The following CALD1 variants were observed in gnomAD, a reference collection of about 807,000 sequenced individuals.
CALD1 encodes caldesmon 1.
A neutral mutation model predicts 99.9 loss-of-function variants in CALD1; 33 were observed. The observed-to-expected ratio is 0.33, with a 90% CI of 0.25 to 0.44. The LOEUF is 0.44. CALD1 is among the 20% of genes least tolerant of loss of function. CALD1 has a pLI of 1.00. For synonymous variants in CALD1, 310 were observed against 325.0 expected (o/e 0.95, Z 0.50); for missense variants, 861 against 962.1 (o/e 0.89, Z 1.39).
the CALD1 span, among the ~76,000 whole-genome samples, chr7:134,717,440 A>T: frequency 6.6e-6 from 1 of 152,228 alleles, no homozygotes; most frequent in Non-Finnish European, 1.5e-5. Context: ...TGAAATCGGA[A>T]CACATTTCAG....
chr7:134,756,927 T>C (rs1411746438), intron 1 of CALD1, among the ~76,000 whole-genome samples: 1 of 152,212 alleles, frequency 6.6e-6, no homozygotes, highest in Non-Finnish European at 1.5e-5. Flanking sequence ...TGACTGAAAG[T>C]AGCGCTATGC....
intron 1 of CALD1, among the ~76,000 whole-genome samples, chr7:134,816,548 C>A (rs753523277): frequency 2.0e-5 from 3 of 152,160 alleles, no homozygotes; most frequent in African/African-American, 7.2e-5. Context: ...TCCTGAATAG[C>A]CCCTTTCTCT....
At chr7:134,953,879 A>T (rs891610503) in intron 9 of CALD1, among the ~76,000 whole-genome samples, 1 of 152,164 alleles carries the variant, frequency 6.6e-6, no homozygotes, top group Non-Finnish European at 1.5e-5. Flanking sequence ...TGTATAAAAA[A>T]GGTCTAGGTT....
intron 3 of CALD1, among the ~76,000 whole-genome samples, chr7:134,881,550 A>C (rs1176457019): frequency 6.6e-6 from 1 of 152,142 alleles, no homozygotes; most frequent in Non-Finnish European, 1.5e-5. Context: ...AATGCGCATG[A>C]CGTACGTTTA....
chr7:134,886,745 TGA>T (rs1006238563), intron 3 of CALD1, among the ~76,000 whole-genome samples: 1 of 152,194 alleles, frequency 6.6e-6, no homozygotes, highest in Non-Finnish European at 1.5e-5. Flanking sequence ...AAATTGAGCG[TGA>T]GAGTGATTAA....
intron 3 of CALD1, chr7:134,891,464 A>C: frequency 7.4e-7 from 1 of 1,350,270 alleles, no homozygotes; most frequent in Non-Finnish European, 9.6e-7. Flanking sequence ...GGACAGACCA[A>C]CGTGTTAACA....
intron 2 of CALD1, among the ~76,000 whole-genome samples, chr7:134,859,411 C>T (rs1186755021): frequency 6.6e-6 from 1 of 152,218 alleles, no homozygotes; most frequent in African/African-American, 2.4e-5. Context: ...GCCAATAGAG[C>T]AGCATGCCTA....
chr7:134,854,449 C>T (rs758132918), intron 2 of CALD1, among the ~76,000 whole-genome samples: 2 of 152,148 alleles, frequency 1.3e-5, no homozygotes, highest in Non-Finnish European at 2.9e-5. Flanking sequence ...GTTGTAGAGT[C>T]TCAGCCACTC....
At chr7:134,893,086 C>T (rs1280146902) in intron 3 of CALD1, among the ~76,000 whole-genome samples, 1 of 152,176 alleles carries the variant, frequency 6.6e-6, no homozygotes, top group African/African-American at 2.4e-5. Context: ...CTGTCTCTCT[C>T]TCAACTCATG....
chr7:134,857,946 G>T (rs62479515), intron 2 of CALD1, among the ~76,000 whole-genome samples: 1,859 of 152,206 alleles, frequency 0.012, 27 homozygotes, highest in Non-Finnish European at 0.019. Context: ...ACTATAAATG[G>T]ATTTGCATCC....
the CALD1 span, among the ~76,000 whole-genome samples, chr7:134,724,764 T>C: frequency 6.6e-6 from 1 of 152,180 alleles, no homozygotes; most frequent in Non-Finnish European, 1.5e-5. Flanking sequence ...AAAGTGAATT[T>C]AGAACAATCC....
At chr7:134,889,105 G>C (rs903766866) in intron 3 of CALD1, among the ~76,000 whole-genome samples, 2 of 152,218 alleles carry the variant, frequency 1.3e-5, no homozygotes, top group African/African-American at 4.8e-5. Context: ...TTCTCGCATG[G>C]CTGCGACAAA....
At chr7:134,833,032 C>CT (rs1414719728) in intron 1 of CALD1, among the ~76,000 whole-genome samples, 1 of 152,240 alleles carries the variant, frequency 6.6e-6, no homozygotes, top group East Asian at 1.9e-4. Context: ...GTGTTTTACA[C>CT]TTATCAGCTC....
At chr7:134,917,174 C>G (rs535341437) in intron 3 of CALD1, among the ~76,000 whole-genome samples, 3 of 152,234 alleles carry the variant, frequency 2.0e-5, no homozygotes, top group African/African-American at 7.2e-5. Flanking sequence ...TAATGTTTTA[C>G]TTTTTTTAAA....
chr7:134,778,528 G>A (rs1372993897), upstream of CALD1, among the ~76,000 whole-genome samples: 1 of 151,916 alleles, frequency 6.6e-6, no homozygotes, highest in Non-Finnish European at 1.5e-5. Context: ...AATAGTAAGT[G>A]CTCCAAAAAA....
At chr7:134,801,035 A>C (rs1016643529) in intron 1 of CALD1, among the ~76,000 whole-genome samples, 5 of 152,038 alleles carry the variant, frequency 3.3e-5, no homozygotes, top group African/African-American at 1.2e-4. Context: ...TTTTGGACTC[A>C]AGGTAATTTA....
At chr7:134,773,417 G>A (rs1796891915) in intron 1 of CALD1, among the ~76,000 whole-genome samples, 1 of 151,972 alleles carries the variant, frequency 6.6e-6, no homozygotes, top group South Asian at 2.1e-4. Flanking sequence ...GGGACTACAG[G>A]CGTGTGCCAC....
chr7:134,909,708 C>G (rs946301643), intron 3 of CALD1, among the ~76,000 whole-genome samples: 1 of 151,982 alleles, frequency 6.6e-6, no homozygotes, highest in Admixed American at 6.6e-5. Flanking sequence ...AAAGGAACTT[C>G]GTTTGGAAGT....
At chr7:134,962,078 A>G (rs1249590855) in intron 13 of CALD1, 1 of 152,168 alleles carries the variant, frequency 6.6e-6, no homozygotes, top group African/African-American at 2.4e-5. Context: ...CTCTTTGATA[A>G]GTATGAAATA....
Sources: allele counts gnomAD v4.1 joint callset (sites outside exome capture counted in the v4.1 genomes callset), GRCh38; gene constraint gnomAD v4.1.1; transcripts MANE v1.5; gene names NCBI Gene and HGNC (gene_info 2026-07-23, HGNC 2026-07-21).